The following PDHX variants were observed in gnomAD, a reference collection of about 807,000 sequenced individuals.
The protein encoded by PDHX is pyruvate dehydrogenase complex component X.
A neutral mutation model predicts 55.3 loss-of-function variants in PDHX; 33 were observed. The ratio of observed to expected loss-of-function variants is 0.60; its 90% confidence interval spans 0.45 to 0.80. The LOEUF is 0.80. Among genes scored for constraint, PDHX ranks in the 30% least tolerant of loss-of-function variants. PDHX has a pLI of 0.00. For synonymous variants in PDHX, 226 were observed against 219.4 expected (o/e 1.03, Z -0.27); for missense variants, 622 against 619.9 (o/e 1.00, Z -0.04).
chr11:34,990,589 A>G (rs1201321319), intron 9 of PDHX, among the ~76,000 whole-genome samples: 1 of 152,184 alleles, frequency 6.6e-6, no homozygotes, highest in Non-Finnish European at 1.5e-5. Flanking sequence ...TGCCTTTTAA[A>G]GTTCATATAT....
intron 10 of PDHX, among the ~76,000 whole-genome samples, chr11:34,993,324 A>G (rs1469206770): frequency 1.1e-4 from 16 of 151,292 alleles, no homozygotes; most frequent in Admixed American, 1.1e-3. Context: ...ATTTATCAGT[A>G]TTTTTCTTTG....
At chr11:34,927,206 A>G (rs1854047592) in intron 1 of PDHX, among the ~76,000 whole-genome samples, 1 of 134,708 alleles carries the variant, frequency 7.4e-6, no homozygotes, top group South Asian at 2.5e-4. Context: ...GAAGGAGCAG[A>G]ACACTGAAGT....
intron 9 of PDHX, among the ~76,000 whole-genome samples, chr11:34,985,878 T>C (rs997156681): frequency 2.0e-5 from 3 of 152,188 alleles, no homozygotes; most frequent in African/African-American, 7.2e-5. Context: ...CCATAAATAC[T>C]GAGTTTACTT....
chr11:34,981,473 G>C (rs1166625957), intron 8 of PDHX, among the ~76,000 whole-genome samples: 2 of 152,200 alleles, frequency 1.3e-5, no homozygotes, highest in African/African-American at 4.8e-5. Context: ...GTGTGCATGT[G>C]TCTTTATAGC....
At chr11:34,955,250 G>A (rs1854879330) in intron 3 of PDHX, among the ~76,000 whole-genome samples, 1 of 151,974 alleles carries the variant, frequency 6.6e-6, no homozygotes, top group Non-Finnish European at 1.5e-5. Flanking sequence ...AGGCCTGCTT[G>A]GTTTTTAAAC....
At chr11:34,934,254 A>T (rs1229652130) in intron 2 of PDHX, among the ~76,000 whole-genome samples, 1 of 152,254 alleles carries the variant, frequency 6.6e-6, no homozygotes, top group South Asian at 2.1e-4. Flanking sequence ...TAGTCTTGCC[A>T]GAAAATTGAA....
intron 1 of PDHX, among the ~76,000 whole-genome samples, chr11:34,922,134 A>G (rs967226810): frequency 3.3e-5 from 5 of 152,198 alleles, no homozygotes; most frequent in Admixed American, 3.3e-4. Context: ...TATTGTATTG[A>G]CCAGAATTGG....
chr11:34,970,181 A>T lies in PDHX; in HGVS notation c.859A>T (p.Ile287Phe). 1 of 1,613,102 alleles carries T rather than the reference A, an allele frequency of 6.2e-7. No homozygotes were observed. Among genetic ancestry groups the T allele is most frequent in the Non-Finnish European group, 8.5e-7 (1 of 1,179,076 alleles). The change falls in exon 7 of 11, where the codon ATT (isoleucine) becomes TTT (phenylalanine). Residue 287 changes from isoleucine to phenylalanine, a missense_variant. Coordinates refer to ENST00000227868, the MANE Select transcript of PDHX (RefSeq NM_003477.3). ...EIPASNIRRVIAKRLTESKST... is the reference protein window; with the variant it reads ...EIPASNIRRVFAKRLTESKST... ...CCCCGCCAGCAATATTCGAAGAGTTATTGCCAAGAGATTAACTGAATCTAA... is the reference window on the plus strand; with the variant it reads ...CCCCGCCAGCAATATTCGAAGAGTTTTTGCCAAGAGATTAACTGAATCTAA...
At chr11:34,982,806 A>C (rs898868566) in intron 8 of PDHX, among the ~76,000 whole-genome samples, 1 of 152,204 alleles carries the variant, frequency 6.6e-6, no homozygotes, top group African/African-American at 2.4e-5. Context: ...AAAAAAGTCC[A>C]GGACCAGATG....
chr11:34,948,079 A>G (rs2986402), intron 3 of PDHX, among the ~76,000 whole-genome samples: 1 of 152,050 alleles, frequency 6.6e-6, no homozygotes, highest in Non-Finnish European at 1.5e-5. Context: ...ACGTAATGAT[A>G]AGCAAATTCT....
chr11:34,942,181 G>A (rs2986406), intron 2 of PDHX, among the ~76,000 whole-genome samples: 119,191 of 152,100 alleles, frequency 0.78, 46,847 homozygotes, highest in East Asian at 0.8. Context: ...ATGTTTGTTG[G>A]ATGATCTGGT....
At chr11:34,978,057 AG>A in intron 7 of PDHX, 66 bp from the exon 8 acceptor site, 1 of 840,948 alleles carries the variant, frequency 1.2e-6, no homozygotes, top group Non-Finnish European at 2.0e-6. Flanking sequence ...ACAAGTTTGA[AG>A]TTGTAATGGT....
At position 34,953,145 on chromosome 11, in the gene PDHX, G is replaced by A. The variant is rs556099347; in HGVS notation, c.343-4239G>A. ...AATCCAACTTACGAGGGACGTGAAG[G>A]ACCTCTTCAAGTAGAACTACAAACC... On this transcript the variant is annotated intron_variant, in intron 3 of 10. Coordinates refer to ENST00000227868, the MANE Select transcript of PDHX (RefSeq NM_003477.3). Among the ~76,000 whole-genome samples the A allele has an allele frequency of 9.2e-5, 14 of 152,270 alleles. No individual in the cohort carries two copies. The East Asian group carries it at 2.7e-3, about 29-fold the overall frequency.
intron 7 of PDHX, chr11:34,977,679 A>G (rs2133990535): frequency 1.1e-5 from 5 of 440,002 alleles, no homozygotes; most frequent in East Asian, 1.4e-4. Context: ...CTGTTCTAGT[A>G]TAATCAGTAT....
chr11:34,966,925 C>A lies in PDHX; in HGVS notation c.816+111C>A. ...GGAGTGCAATGGCACAATCTTGGCT[C>A]ACTGCAGCCTCTGCCTCCCAAGTTC... is the stretch of plus-strand genomic sequence containing the variant. On this transcript the variant is annotated intron_variant, in intron 6 of 10. Transcript: ENST00000227868. The A allele has an allele frequency of 7.6e-6, 7 of 922,336 alleles. No homozygotes were observed. The South Asian group carries it at 1.0e-4, about 13-fold the overall frequency. The allele number at this position is 922,336 out of a possible 1,614,324, so 57.1% of individuals were successfully genotyped here. A position where few individuals can be genotyped will look rare whatever the true frequency, so the allele number is the denominator to read the frequency against.
chr11:34,969,490 C>T (rs545475001), intron 6 of PDHX, among the ~76,000 whole-genome samples: 20 of 151,894 alleles, frequency 1.3e-4, no homozygotes, highest in African/African-American at 3.9e-4. Context: ...ATTACAGGCA[C>T]GCGCCACCAC....
chr11:34,994,573 A>G (rs2134008102), intron 10 of PDHX, among the ~76,000 whole-genome samples: 1 of 152,364 alleles, frequency 6.6e-6, no homozygotes. Context: ...TAGGCAGCAG[A>G]AATTCCTGAG....
intron 2 of PDHX, among the ~76,000 whole-genome samples, chr11:34,945,867 G>A (rs1854608571): frequency 6.6e-6 from 1 of 151,932 alleles, no homozygotes; most frequent in Non-Finnish European, 1.5e-5. Flanking sequence ...AGATCCGTAT[G>A]CCCCCTGCTA....
intron 5 of PDHX, 51 bp from the exon 6 acceptor site, chr11:34,966,589 G>A: frequency 6.4e-7 from 1 of 1,559,886 alleles, no homozygotes; most frequent in Non-Finnish European, 8.8e-7. Context: ...TGAAAGTTCT[G>A]TTATATTCCT....
Sources: allele counts gnomAD v4.1 joint callset (sites outside exome capture counted in the v4.1 genomes callset), GRCh38; gene constraint gnomAD v4.1.1; transcripts MANE v1.5; gene names NCBI Gene and HGNC (gene_info 2026-07-23, HGNC 2026-07-21).